The following PTPN21 variants were observed in gnomAD, a reference collection of about 807,000 sequenced individuals.
PTPN21 encodes protein tyrosine phosphatase non-receptor type 21.
A neutral mutation model predicts 131.8 loss-of-function variants in PTPN21; 77 were observed. The observed-to-expected ratio is 0.58, with a 90% CI of 0.49 to 0.71. PTPN21 has a LOEUF of 0.71. Among genes scored for constraint, PTPN21 ranks in the 30% least tolerant of loss-of-function variants. The pLI is 0.00. For synonymous variants in PTPN21, 715 were observed against 621.3 expected (o/e 1.15, Z -2.24); for missense variants, 1,552 against 1,527.1 (o/e 1.02, Z -0.27).
intron 10 of PTPN21, among the ~76,000 whole-genome samples, chr14:88,486,352 C>T (rs1446793637): frequency 1.3e-5 from 2 of 152,156 alleles, no homozygotes; most frequent in African/African-American, 2.4e-5. Context: ...AGTCTGTTAA[C>T]CACAGACTAC....
At chr14:88,536,776 C>T (rs547607383) in intron 2 of PTPN21, among the ~76,000 whole-genome samples, 1 of 152,318 alleles carries the variant, frequency 6.6e-6, no homozygotes, top group South Asian at 2.1e-4. Context: ...AATATAATTT[C>T]ATCCTGATGC....
rs368339800 is a variant in PTPN21 at position 88,546,525 on chromosome 14, G to A, written c.180+3713C>T. ...CGGGAGGCAGAGGTTGCAGTGAACC[G>A]AGATCGCGCCATTGTACTCCAGCCT... is the stretch of plus-strand genomic sequence containing the variant. On this transcript the variant is annotated intron_variant, in intron 2 of 18. Coordinates refer to ENST00000556564, the MANE Select transcript of PTPN21 (RefSeq NM_007039.4). Among the ~76,000 whole-genome samples the A allele has an allele frequency of 4.0e-4, 59 of 148,764 alleles. 1 individual carries two copies. The East Asian group carries it at 8.3e-3, about 21-fold the overall frequency.
At position 88,469,140 on chromosome 14, in the gene PTPN21, A is replaced by G; in HGVS notation, c.3236-64T>C. The G allele has an allele frequency of 6.6e-7, 1 of 1,508,908 alleles. No homozygotes were observed. Among genetic ancestry groups the G allele is most frequent in the Non-Finnish European group, 9.0e-7 (1 of 1,108,540 alleles). The allele number at this position is 1,508,908 out of a possible 1,614,324, so 93.5% of individuals were successfully genotyped here. On this transcript the variant is annotated intron_variant, in intron 17 of 18. Transcript: ENST00000556564. This position sits in a 1 kb window ranked among gnomAD's most constrained non-coding sequence, Gnocchi z 4.3. Reference sequence around the variant, plus strand: ...CAAGGCGTATCACATTGTTGACTCAATCTTCATATTCTCTCCACTGATTAA... The same window carrying G: ...CAAGGCGTATCACATTGTTGACTCAGTCTTCATATTCTCTCCACTGATTAA...
chr14:88,537,014 C>T (rs749999936), intron 2 of PTPN21, among the ~76,000 whole-genome samples: 4 of 152,146 alleles, frequency 2.6e-5, no homozygotes, highest in Non-Finnish European at 5.9e-5. Flanking sequence ...TCAAAGCAGG[C>T]AGCATTTTTT....
At position 88,480,110 on chromosome 14, in the gene PTPN21, TCA is replaced by T. The variant is rs757443664; in HGVS notation, c.1319_1320del (p.Val440AspfsTer12). 6.2e-7 allele frequency: 1 copy of T among 1,614,044 alleles called. No individual in the cohort carries two copies. The highest frequency in any genetic ancestry group is 1.3e-5 in the African/African-American group (1 of 74,914). On this transcript the variant is annotated frameshift_variant, in exon 13 of 19. Coordinates refer to ENST00000556564, the MANE Select transcript of PTPN21 (RefSeq NM_007039.4). LOFTEE classifies it high-confidence loss of function. ...DYLPSHRHSA[V>X]IPPSYRPTPD... ...GGGGTGGGGCGGTAGGACGGGGGTA[TCA>T]CGGCGCTGTGCCGATGGGACGGGAG... is the stretch of plus-strand genomic sequence containing the variant.
chr14:88,504,276 T>C (rs1406043675), intron 6 of PTPN21, 149 bp downstream of exon 6: 4 of 632,576 alleles, frequency 6.3e-6, no homozygotes, highest in Admixed American at 2.6e-5. Context: ...ATATAAATGT[T>C]GGCTACTTGT....
chr14:88,498,124 A>C (rs909094770), intron 8 of PTPN21, among the ~76,000 whole-genome samples: 6 of 151,662 alleles, frequency 4.0e-5, no homozygotes, highest in African/African-American at 7.3e-5. Flanking sequence ...AAATTACAAA[A>C]ACTAGGCCAG....
chr14:88,479,292 C>A lies in PTPN21; in HGVS notation c.2139G>T (p.Glu713Asp). Residue 713 changes from glutamate to aspartate, a missense_variant, in exon 13 of 19, where the codon GAG (glutamate) becomes GAT (aspartate). Glu to Asp is a conservative substitution (Grantham distance 45). Coordinates refer to ENST00000556564, the MANE Select transcript of PTPN21 (RefSeq NM_007039.4). ...DATMLIHSSE[E>D]EEDEDFEEES... ...CCTCCTCGAAGTCCTCGTCCTCCTC[C>A]TCCTCGCTGCTGTGGATTAGCATGG... 1 of 1,613,390 alleles carries A rather than the reference C, an allele frequency of 6.2e-7. No homozygotes were observed. The highest frequency in any genetic ancestry group is 8.5e-7 in the Non-Finnish European group (1 of 1,179,558).
intron 4 of PTPN21, 141 bp downstream of exon 4, chr14:88,507,782 C>T: frequency 8.4e-6 from 4 of 477,516 alleles, no homozygotes; most frequent in Non-Finnish European, 1.4e-5. Context: ...AAAGGAAGCC[C>T]CTTAGATAAC....
chr14:88,521,980 T>G (rs1380024615), intron 2 of PTPN21, among the ~76,000 whole-genome samples: 1 of 152,194 alleles, frequency 6.6e-6, no homozygotes, highest in African/African-American at 2.4e-5. Flanking sequence ...ACTTTATCAG[T>G]GCATCTATTA....
chr14:88,484,363 T>C (rs572050522), intron 12 of PTPN21, among the ~76,000 whole-genome samples: 1 of 152,268 alleles, frequency 6.6e-6, no homozygotes, highest in South Asian at 2.1e-4. Flanking sequence ...TAAATGTTAA[T>C]TGACTGCTTA....
chr14:88,470,812 G>A (rs1220515851), intron 15 of PTPN21, among the ~76,000 whole-genome samples: 3 of 152,216 alleles, frequency 2.0e-5, no homozygotes, highest in Non-Finnish European at 4.4e-5. Flanking sequence ...GGGAGGAGGA[G>A]GGGACTAGTG....
chr14:88,538,165 C>T (rs1336688040), intron 2 of PTPN21, among the ~76,000 whole-genome samples: 1 of 152,122 alleles, frequency 6.6e-6, no homozygotes, highest in African/African-American at 2.4e-5. Context: ...AGTTTACGAC[C>T]CACATAACCA....
At position 88,479,745 on chromosome 14, in the gene PTPN21, C is replaced by T. The variant is rs771756452; in HGVS notation, c.1686G>A (p.Val562=). Residue 562 remains valine, a synonymous_variant, in exon 13 of 19, where the codon GTG becomes GTA. Coordinates refer to ENST00000556564, the MANE Select transcript of PTPN21 (RefSeq NM_007039.4). The stretch of plus-strand genomic sequence containing the variant: ...GCGGGTAGGGTGGGGGTGGCCGGTA[C>T]ACCTGCGTCCGCATGATGTTGGGAG... ...YPSPNIMRTQ[V]YRPPPPYPPP... The T allele has an allele frequency of 1.9e-6, 3 of 1,539,992 alleles. No individual in the cohort carries two copies. Among genetic ancestry groups the T allele is most frequent in the South Asian group, 1.2e-5 (1 of 80,420 alleles).
rs1390046561 is a variant in PTPN21, at chr14:88,465,903, A to T, written c.*2234T>A. 1 of 151,922 alleles carries T rather than the reference A, an allele frequency of 6.6e-6. No homozygotes were observed. Among genetic ancestry groups the T allele is most frequent in the Non-Finnish European group, 1.5e-5 (1 of 68,030 alleles). The allele number at this position is 151,922 out of a possible 1,614,324, so 9.4% of individuals were successfully genotyped here. A position where few individuals can be genotyped will look rare whatever the true frequency, so the allele number is the denominator to read the frequency against. On this transcript the variant is annotated 3_prime_UTR_variant, in exon 19 of 19. Transcript: ENST00000556564. ...CATTTTAAGAGTAATATTAAACAGT[A>T]ATTTTGCCCTCAGAAGTTTACTTAT... is the stretch of plus-strand genomic sequence containing the variant.
chr14:88,503,256 G>A (rs569671487), intron 6 of PTPN21, among the ~76,000 whole-genome samples: 4 of 152,130 alleles, frequency 2.6e-5, no homozygotes, highest in Admixed American at 2.0e-4. Context: ...GGATGGTCTC[G>A]ATCTCCTGAC....
chr14:88,498,533 C>A (rs1456902514), intron 8 of PTPN21, among the ~76,000 whole-genome samples: 1 of 152,120 alleles, frequency 6.6e-6, no homozygotes, highest in Non-Finnish European at 1.5e-5. Flanking sequence ...TATAACAATG[C>A]CAGAAATTGC....
At chr14:88,543,763 C>T (rs945696946) in intron 2 of PTPN21, among the ~76,000 whole-genome samples, 1 of 152,086 alleles carries the variant, frequency 6.6e-6, no homozygotes, top group Admixed American at 6.6e-5. Flanking sequence ...AAATGAGAGG[C>T]CACTATATAT....
chr14:88,548,898 C>T (rs1595424194), intron 2 of PTPN21, among the ~76,000 whole-genome samples: 1 of 152,152 alleles, frequency 6.6e-6, no homozygotes, highest in African/African-American at 2.4e-5. Flanking sequence ...ACCTCCCAAT[C>T]GGTACTCTAA....
Sources: gnomAD v4.1 joint callset for allele counts (sites outside exome capture counted in the v4.1 genomes callset) on GRCh38, gnomAD v4.1.1 for gene constraint, Gnocchi (gnomAD v3.1) non-coding constraint, MANE v1.5 for transcripts, NCBI Gene and HGNC (gene_info 2026-07-23, HGNC 2026-07-21) for gene names.